Variants in ASTN2 observed in about 807,000 individuals in gnomAD.
ASTN2 encodes astrotactin-2.
ASTN2 carries 54 observed loss-of-function variants against 139.8 expected under a neutral mutation model. The ratio of observed to expected loss-of-function variants is 0.39; its 90% CI spans 0.31 to 0.48. ASTN2 has a LOEUF of 0.48. Ranked by LOEUF, ASTN2 falls within the 20% of genes least tolerant of loss-of-function variation. The probability of loss-of-function intolerance (pLI) is 0.95; values close to 1 mark genes in which losing one functional copy is unlikely to be tolerated. For synonymous variants in ASTN2, 756 were observed against 719.5 expected (o/e 1.05, Z -0.81); for missense variants, 1,565 against 1,725.1 (o/e 0.91, Z 1.64).
At chr9:116,677,920 T>C (rs1251836884) in intron 16 of ASTN2, among the ~76,000 whole-genome samples, 5 of 152,172 alleles carry the variant, frequency 3.3e-5, no homozygotes, top group African/African-American at 9.7e-5. Flanking sequence ...ATATTACAAG[T>C]GCTGAAGCAT....
At chr9:116,769,563 A>G (rs1459087028) in intron 13 of ASTN2, among the ~76,000 whole-genome samples, 2 of 152,202 alleles carry the variant, frequency 1.3e-5, no homozygotes, top group African/African-American at 2.4e-5. Context: ...CAAAAGAAGA[A>G]GTTATTAATG....
chr9:116,958,463 C>T (rs1588441132), intron 10 of ASTN2, among the ~76,000 whole-genome samples: 1 of 152,214 alleles, frequency 6.6e-6, no homozygotes, highest in East Asian at 1.9e-4. Flanking sequence ...GCGGCGGGTG[C>T]CTGTAGTCCC....
At chr9:117,408,490 A>G (rs1158851818) in intron 1 of ASTN2, among the ~76,000 whole-genome samples, 1 of 152,178 alleles carries the variant, frequency 6.6e-6, no homozygotes, top group African/African-American at 2.4e-5. Context: ...CTCTCCCCAC[A>G]TCACACATAT....
chr9:116,649,426 T>A (rs1242308561), intron 17 of ASTN2, among the ~76,000 whole-genome samples: 1 of 151,406 alleles, frequency 6.6e-6, no homozygotes, highest in Non-Finnish European at 1.5e-5. Context: ...CACAAAAAAT[T>A]AGCTGGGCAT....
chr9:117,170,620 G>T (rs1337470174), intron 3 of ASTN2, among the ~76,000 whole-genome samples: 1 of 152,070 alleles, frequency 6.6e-6, no homozygotes, highest in African/African-American at 2.4e-5. Flanking sequence ...AAATGAGAAG[G>T]CCTGGGGAGA....
intron 1 of ASTN2, among the ~76,000 whole-genome samples, chr9:117,295,462 C>A (rs1054322553): frequency 2.8e-4 from 42 of 152,282 alleles, no homozygotes; most frequent in Middle Eastern, 6.8e-3. Context: ...TGCCATCTCT[C>A]ACGCACTTTG....
chr9:117,295,369 T>G (rs149269873), intron 1 of ASTN2, among the ~76,000 whole-genome samples: 39 of 152,034 alleles, frequency 2.6e-4, no homozygotes, highest in African/African-American at 6.8e-4. Context: ...AAGAAAGAAA[T>G]AAATTTATGC....
chr9:117,405,168 T>C (rs1830946755), intron 1 of ASTN2, among the ~76,000 whole-genome samples: 1 of 152,234 alleles, frequency 6.6e-6, no homozygotes, highest in Admixed American at 6.5e-5. Context: ...CTGCAGCTTC[T>C]TGGTCATGAG....
At chr9:117,086,238 T>G (rs928548273) in intron 5 of ASTN2, among the ~76,000 whole-genome samples, 2 of 152,156 alleles carry the variant, frequency 1.3e-5, no homozygotes, top group African/African-American at 2.4e-5. Flanking sequence ...GCCCAAAGCC[T>G]TGCTCAAAGC....
At chr9:116,952,260 C>A (rs776026479) in intron 10 of ASTN2, among the ~76,000 whole-genome samples, 3 of 152,194 alleles carry the variant, frequency 2.0e-5, no homozygotes, top group Non-Finnish European at 4.4e-5. Flanking sequence ...CTACCATAGA[C>A]ATGACTAATC....
chr9:116,653,663 G>T (rs189519499), intron 16 of ASTN2, among the ~76,000 whole-genome samples: 1 of 152,178 alleles, frequency 6.6e-6, no homozygotes, highest in Non-Finnish European at 1.5e-5. Flanking sequence ...CCCTGATGTC[G>T]GGGAGAAAAA....
intron 1 of ASTN2, among the ~76,000 whole-genome samples, chr9:117,363,685 T>C (rs1211297475): frequency 6.6e-6 from 1 of 152,082 alleles, no homozygotes; most frequent in Non-Finnish European, 1.5e-5. Flanking sequence ...GATTTGAAGA[T>C]ACAGAGATTA....
At chr9:117,063,735 G>A (rs534855796) in intron 5 of ASTN2, among the ~76,000 whole-genome samples, 95 of 152,122 alleles carry the variant, frequency 6.2e-4, no homozygotes, top group Non-Finnish European at 9.0e-4. Context: ...TTGAGCATAT[G>A]TTTGCTTTTA....
intron 7 of ASTN2, among the ~76,000 whole-genome samples, chr9:116,988,062 C>T (rs148756903): frequency 0.013 from 1,904 of 152,166 alleles, 39 homozygotes; most frequent in African/African-American, 0.041. Context: ...ATTTTCAGAC[C>T]GCAGTTGACT....
At chr9:117,291,238 C>A in intron 2 of ASTN2, 88 bp downstream of exon 2, 1 of 1,499,968 alleles carries the variant, frequency 6.7e-7, no homozygotes, top group South Asian at 1.3e-5. Flanking sequence ...TTCCTTCCAT[C>A]TGTGGACAAT....
chr9:117,328,718 C>G (rs2130844424), intron 1 of ASTN2, among the ~76,000 whole-genome samples: 1 of 152,334 alleles, frequency 6.6e-6, no homozygotes, highest in South Asian at 2.1e-4. Context: ...CAGGCTAAAG[C>G]TGAATCAGGA....
chr9:117,057,966 T>A (rs10124982), intron 5 of ASTN2, among the ~76,000 whole-genome samples: 3,080 of 152,276 alleles, frequency 0.02, 95 homozygotes, highest in African/African-American at 0.07. Context: ...TCTTTCTTCA[T>A]AAAGGGCAAA....
intron 13 of ASTN2, among the ~76,000 whole-genome samples, chr9:116,755,137 C>T (rs928110518): frequency 2.0e-5 from 3 of 152,138 alleles, no homozygotes; most frequent in Non-Finnish European, 2.9e-5. Flanking sequence ...GCCTAAGCTC[C>T]TTTGGATCCA....
intron 7 of ASTN2, among the ~76,000 whole-genome samples, chr9:116,994,491 T>C (rs1024404671): frequency 2.0e-5 from 3 of 152,212 alleles, no homozygotes; most frequent in African/African-American, 7.2e-5. Context: ...ATAGTTCTGC[T>C]CTTTACTCTG....
Sources: allele counts gnomAD v4.1 joint callset (sites outside exome capture counted in the v4.1 genomes callset), GRCh38; gene constraint gnomAD v4.1.1; transcripts MANE v1.5; gene names NCBI Gene and HGNC (gene_info 2026-07-23, HGNC 2026-07-21).